The following SNCAIP variants were observed in gnomAD, a reference collection of about 807,000 sequenced individuals.
SNCAIP encodes the protein synuclein alpha interacting protein.
In SNCAIP, 43 loss-of-function variants were observed where a neutral mutation model predicts 86.7. The ratio of observed to expected loss-of-function variants is 0.50; its 90% CI spans 0.39 to 0.64. The LOEUF (loss-of-function observed/expected upper bound fraction) is 0.64. Among genes scored for constraint, SNCAIP ranks in the 30% least tolerant of loss-of-function variants. The probability of loss-of-function intolerance (pLI) is 0.00; values close to 1 mark genes in which losing one functional copy is unlikely to be tolerated. For synonymous variants in SNCAIP, 417 were observed against 427.2 expected (o/e 0.98, Z 0.29); for missense variants, 981 against 1,103.1 (o/e 0.89, Z 1.57).
At chr5:122,385,673 A>ATG (rs371793989) in intron 1 of SNCAIP, among the ~76,000 whole-genome samples, 11,667 of 138,332 alleles carry the variant, frequency 0.084, 481 homozygotes, top group Middle Eastern at 0.12. Context: ...GTGCGCACGT[A>ATG]TGTGTGTGTG....
intron 3 of SNCAIP, among the ~76,000 whole-genome samples, chr5:122,420,585 A>ATATAT (rs1554105462): frequency 9.7e-4 from 147 of 151,476 alleles, no homozygotes; most frequent in African/African-American, 1.6e-3. Context: ...GTATATATAT[A>ATATAT]TTTTTTTTTC....
At chr5:122,313,053 A>G (rs1389758379) in intron 1 of SNCAIP, 2 of 152,266 alleles carry the variant, frequency 1.3e-5, no homozygotes, top group Non-Finnish European at 2.9e-5. Flanking sequence ...AAATACTAGC[A>G]TTCTTTGAGG....
chr5:122,332,625 T>G (rs1755609072), intron 1 of SNCAIP, among the ~76,000 whole-genome samples: 1 of 152,176 alleles, frequency 6.6e-6, no homozygotes, highest in Non-Finnish European at 1.5e-5. Flanking sequence ...GCGGGAGAAG[T>G]TGAGAGTGAC....
At chr5:122,352,994 G>T (rs534591941) in intron 1 of SNCAIP, among the ~76,000 whole-genome samples, 25 of 152,280 alleles carry the variant, frequency 1.6e-4, no homozygotes, top group Non-Finnish European at 2.2e-4. Context: ...TTTGATACAC[G>T]TACATACAAA....
intron 7 of SNCAIP, 90 bp from the exon 8 acceptor site, chr5:122,444,473 C>G (rs765721458): frequency 1.7e-4 from 205 of 1,224,216 alleles, no homozygotes; most frequent in Non-Finnish European, 2.4e-4. Context: ...CCTAGAGGCT[C>G]TCTTCATACT....
At chr5:122,338,690 G>C (rs933105299) in intron 1 of SNCAIP, among the ~76,000 whole-genome samples, 55 of 152,184 alleles carry the variant, frequency 3.6e-4, no homozygotes, top group African/African-American at 1.3e-3. Flanking sequence ...ATAATATCTA[G>C]AGAATTCACA....
intron 1 of SNCAIP, among the ~76,000 whole-genome samples, chr5:122,368,664 T>C (rs1309956183): frequency 1.3e-5 from 2 of 152,206 alleles, no homozygotes; most frequent in Non-Finnish European, 2.9e-5. Flanking sequence ...CTTAGCTCCT[T>C]TCTCCCATCA....
At chr5:122,461,841 G>C (rs891781388) in intron 10 of SNCAIP, among the ~76,000 whole-genome samples, 4 of 151,840 alleles carry the variant, frequency 2.6e-5, no homozygotes, top group African/African-American at 9.7e-5. Context: ...GCTAATTTTT[G>C]TATTTTTGGT....
At chr5:122,318,298 C>T (rs1752220037) in intron 1 of SNCAIP, among the ~76,000 whole-genome samples, 1 of 152,092 alleles carries the variant, frequency 6.6e-6, no homozygotes, top group South Asian at 2.1e-4. Flanking sequence ...CTTATCCTTC[C>T]AAACTCATCT....
chr5:122,393,497 C>T (rs78639637), intron 2 of SNCAIP, among the ~76,000 whole-genome samples: 1 of 152,248 alleles, frequency 6.6e-6, no homozygotes, highest in Admixed American at 6.5e-5. Context: ...ACTGCTTCTC[C>T]GGGATGAATA....
At chr5:122,447,549 T>G (rs1458630112) in intron 8 of SNCAIP, among the ~76,000 whole-genome samples, 1 of 152,250 alleles carries the variant, frequency 6.6e-6, no homozygotes, top group African/African-American at 2.4e-5. Flanking sequence ...AATAAGCCCT[T>G]TAAAAGCAGA....
At chr5:122,427,965 A>G (rs903231480) in intron 5 of SNCAIP, among the ~76,000 whole-genome samples, 3 of 152,206 alleles carry the variant, frequency 2.0e-5, no homozygotes, top group African/African-American at 7.2e-5. Flanking sequence ...CTTCTGGGAT[A>G]CCCAAGAGTA....
At chr5:122,407,352 A>C (rs1181030568) in intron 3 of SNCAIP, among the ~76,000 whole-genome samples, 1 of 152,226 alleles carries the variant, frequency 6.6e-6, no homozygotes, top group African/African-American at 2.4e-5. Context: ...AGTATGAGGA[A>C]GAAAAAACCA....
intron 1 of SNCAIP, among the ~76,000 whole-genome samples, chr5:122,373,501 C>A (rs567893345): frequency 9.2e-5 from 14 of 152,228 alleles, no homozygotes; most frequent in African/African-American, 3.4e-4. Flanking sequence ...GATAACAATT[C>A]GGCATTTACC....
intron 6 of SNCAIP, chr5:122,436,509 G>T (rs1779513546): frequency 1.3e-5 from 2 of 152,078 alleles, no homozygotes; most frequent in Admixed American, 6.6e-5. Flanking sequence ...CAATTCTTAG[G>T]TGCACTTTAT....
chr5:122,381,577 T>C (rs1319023998), intron 1 of SNCAIP, among the ~76,000 whole-genome samples: 12 of 148,166 alleles, frequency 8.1e-5, no homozygotes, highest in East Asian at 2.0e-4. Flanking sequence ...AATTTGATCC[T>C]GTCATTATGA....
intron 8 of SNCAIP, among the ~76,000 whole-genome samples, chr5:122,446,905 C>G (rs1289951212): frequency 6.6e-6 from 1 of 152,204 alleles, no homozygotes; most frequent in Non-Finnish European, 1.5e-5. Context: ...ACCTTCAGCT[C>G]TACTGAAGTG....
chr5:122,412,000 G>A (rs1486656360), intron 3 of SNCAIP, among the ~76,000 whole-genome samples: 1 of 152,154 alleles, frequency 6.6e-6, no homozygotes, highest in Non-Finnish European at 1.5e-5. Context: ...CTCTCATGTG[G>A]CCTTCAAGGC....
intron 1 of SNCAIP, among the ~76,000 whole-genome samples, chr5:122,334,119 A>G (rs868783810): frequency 1.3e-5 from 2 of 152,362 alleles, no homozygotes; most frequent in Admixed American, 6.5e-5. Context: ...GAGGAACTCA[A>G]AGAAATGAAA....
Sources: allele counts gnomAD v4.1 joint callset (sites outside exome capture counted in the v4.1 genomes callset), GRCh38; gene constraint gnomAD v4.1.1; transcripts MANE v1.5; gene names NCBI Gene and HGNC (gene_info 2026-07-23, HGNC 2026-07-21).